Variants in USP24 observed in about 807,000 individuals in gnomAD.
The protein encoded by USP24 is ubiquitin carboxyl-terminal hydrolase 24.
USP24 carries 97 observed loss-of-function variants against 361.6 expected under a neutral mutation model. The ratio of observed to expected loss-of-function variants is 0.27; its 90% CI spans 0.23 to 0.32. USP24 has a LOEUF of 0.32. Among genes scored for constraint, USP24 ranks in the 10% least tolerant of loss-of-function variants. The probability of loss-of-function intolerance (pLI) is 1.00; values close to 1 mark genes in which losing one functional copy is unlikely to be tolerated. For synonymous variants in USP24, 1,098 were observed against 1,124.6 expected, an observed-to-expected ratio of 0.98 and a Z score of 0.47; for missense variants, 2,353 against 3,165.6, an observed-to-expected ratio of 0.74 and a Z score of 6.16.
chr1:55,074,012 A>C, intron 63 of USP24, 106 bp from the exon 64 acceptor site: 2 of 888,724 alleles, frequency 2.3e-6, no homozygotes, highest in Non-Finnish European at 3.5e-6. Flanking sequence ...TATTTTAATA[A>C]ACAGATAAGG....
intron 67 of USP24, among the ~76,000 whole-genome samples, chr1:55,070,237 G>T (rs917721889): frequency 9.9e-5 from 15 of 152,094 alleles, no homozygotes; most frequent in African/African-American, 3.6e-4. Flanking sequence ...ATGCCAAGTG[G>T]AGAACGTCAA....
rs78670615 is a variant in USP24, at chr1:55,183,862, C to T, written c.325-5730G>A. ...GAATGGCTATATTAGACAGAACAGA[C>T]GTTAAGGCAAGAAATGAAACTAAGA... On this transcript the variant is annotated intron_variant, in intron 1 of 67. Coordinates refer to ENST00000294383, the MANE Select transcript of USP24 (RefSeq NM_015306.3). Among the ~76,000 whole-genome samples, 1,166 of 151,994 alleles carry T rather than the reference C, an allele frequency of 7.7e-3. 12 individuals carry two copies. Among genetic ancestry groups the T allele is most frequent in the African/African-American group, 0.027 (1,115 of 41,442 alleles).
rs376681375 is a variant in USP24 at position 55,161,585 on chromosome 1, C to G, written c.993+614G>C. On this transcript the variant is annotated intron_variant, in intron 8 of 67. Transcript: ENST00000294383. ...AGCTCTATAGAAGTTATAGGGTCCA[C>G]AGACTTATTTATAAAAATAAATAAA... Among the ~76,000 whole-genome samples, 3 of 152,200 alleles carry G rather than the reference C, an allele frequency of 2.0e-5. No individual in the cohort carries two copies. In the South Asian group the frequency reaches 6.2e-4, roughly 32 times the overall value.
At chr1:55,098,976 G>A (rs1201028880) in intron 45 of USP24, among the ~76,000 whole-genome samples, 6 of 152,220 alleles carry the variant, frequency 3.9e-5, no homozygotes, top group Non-Finnish European at 4.4e-5. Flanking sequence ...GATCTGAGAA[G>A]GCAATACCGT....
chr1:55,101,734 GAGA>G (rs1645639192), intron 42 of USP24, 31 bp from the exon 43 acceptor site: 4 of 1,562,864 alleles, frequency 2.6e-6, no homozygotes, highest in Non-Finnish European at 3.5e-6. Context: ...AACAGCAGAG[GAGA>G]AGAATGAGCA....
intron 1 of USP24, among the ~76,000 whole-genome samples, chr1:55,179,184 G>A (rs1215260797): frequency 6.6e-6 from 1 of 152,062 alleles, no homozygotes; most frequent in African/African-American, 2.4e-5. Context: ...CGGACCTTCT[G>A]CCCACTCCCT....
At chr1:55,148,124 T>C (rs1647082031) in intron 17 of USP24, among the ~76,000 whole-genome samples, 1 of 152,174 alleles carries the variant, frequency 6.6e-6, no homozygotes. Context: ...ACTCTAGTAC[T>C]TTAAGCAAAC....
intron 58 of USP24, among the ~76,000 whole-genome samples, chr1:55,082,440 C>T (rs967286636): frequency 1.3e-5 from 2 of 152,122 alleles, no homozygotes; most frequent in African/African-American, 4.8e-5. Context: ...TTGAATCTAT[C>T]AAATAAAAGA....
In USP24 at chr1:55,077,447, T is replaced by C. The variant is rs189820963; in HGVS notation, c.7315-147A>G. 5.0e-4 allele frequency: 269 copies of C among 537,100 alleles called. 2 individuals carry two copies. The highest frequency in any genetic ancestry group is 8.7e-4 in the Middle Eastern group (3 of 3,440). 33.3% of individuals were successfully genotyped at this position (537,100 alleles called of 1,614,324 possible). A position where few individuals can be genotyped will look rare whatever the true frequency, so the allele number is the denominator to read the frequency against. ...GCTTTCTAGGCCTTAGTTTCTCAAA[T>C]GCTAAGTCTGGGAACTGAAATAAAC... On this transcript the variant is annotated intron_variant, in intron 61 of 67. Transcript: ENST00000294383.
Position 55,079,554 on chromosome 1 carries a change from T to G in USP24, c.7184A>C (p.Lys2395Thr). The G allele has an allele frequency of 6.3e-7, 1 of 1,575,764 alleles. No individual in the cohort carries two copies. Among genetic ancestry groups the G allele is most frequent in the Non-Finnish European group, 8.6e-7 (1 of 1,167,666 alleles). Reference protein sequence around the residue: ...VEALLFMSEGKPYLLEVMFAL... With the variant: ...VEALLFMSEGTPYLLEVMFAL... ...AGTACATACCTCTAACAGGTAAGGT[T>G]TCCCTTCAGACATGAACAACAAGGC... is the stretch of plus-strand genomic sequence containing the variant. Residue 2395 changes from lysine (K) to threonine (T), a missense_variant, in exon 60 of 68, where the codon AAA becomes ACA. Around this residue, in one of 8 missense-constraint regions of USP24, gnomAD observed 598 missense variants for 761.9 expected, o/e 0.78. Transcript: ENST00000294383.
chr1:55,162,068 A>G (rs1042241979), intron 8 of USP24, 131 bp downstream of exon 8: 2 of 753,742 alleles, frequency 2.7e-6, no homozygotes, highest in Non-Finnish European at 4.1e-6. Context: ...CATTTTTATT[A>G]AAAGGACAGC....
intron 18 of USP24, among the ~76,000 whole-genome samples, 198 bp from the exon 19 acceptor site, chr1:55,147,258 T>A (rs1274304738): frequency 1.3e-5 from 2 of 152,162 alleles, no homozygotes. Flanking sequence ...TCAAGTCTAT[T>A]AGAAATTCAG....
intron 1 of USP24, among the ~76,000 whole-genome samples, chr1:55,194,516 C>T (rs1644367347): frequency 6.6e-6 from 1 of 152,020 alleles, no homozygotes; most frequent in Admixed American, 6.6e-5. Flanking sequence ...GGTGGGTGAT[C>T]ACTTGAGCTC....
intron 59 of USP24, among the ~76,000 whole-genome samples, chr1:55,080,041 T>A (rs957548986): frequency 6.6e-6 from 1 of 152,150 alleles, no homozygotes; most frequent in Non-Finnish European, 1.5e-5. Context: ...ATATAAATAG[T>A]TTATGAAATA....
rs764268013 is a variant in USP24 at position 55,083,321 on chromosome 1, A to G, written c.6926T>C (p.Leu2309Pro). The change falls in exon 58 of 68, where the codon CTG becomes CCG. Residue 2309 changes from leucine to proline, a missense_variant. Transcript: ENST00000294383. ...AGDLLLRHSA[L>P]RHMISFLLGA... ...TAGGAGGAAGCTGATCATGTGCCGC[A>G]GAGCTGAATGCCTCAGAAGAAGATC... is the stretch of plus-strand genomic sequence containing the variant. The G allele has an allele frequency of 4.2e-5, 67 of 1,613,716 alleles. No homozygotes were observed. Among genetic ancestry groups the G allele is most frequent in the Non-Finnish European group, 5.5e-5 (65 of 1,179,750 alleles).
chr1:55,171,395 C>T (rs1308404032), intron 5 of USP24, among the ~76,000 whole-genome samples, 161 bp downstream of exon 5: 2 of 152,062 alleles, frequency 1.3e-5, no homozygotes, highest in Admixed American at 1.3e-4. Context: ...AAATTATGCA[C>T]TGTCTGAAAA....
rs1312355559 is a variant in USP24, at chr1:55,144,213, T to C, written c.2363-10A>G. ...TTAAATAAGTTAAAACCTGTAATTA[T>C]AGAATGCCAAATAAATTCATGTACT... On this transcript the variant is annotated splice_polypyrimidine_tract_variant and intron_variant, in intron 20 of 67. Coordinates refer to ENST00000294383, the MANE Select transcript of USP24 (RefSeq NM_015306.3). 7 of 1,547,852 alleles carry C rather than the reference T, an allele frequency of 4.5e-6. No individual in the cohort carries two copies. The African/African-American group carries it at 5.5e-5, about 12-fold the overall frequency.
intron 28 of USP24, among the ~76,000 whole-genome samples, chr1:55,137,032 A>T (rs752108436): frequency 2.6e-5 from 4 of 152,174 alleles, no homozygotes; most frequent in Non-Finnish European, 5.9e-5. Context: ...GGAGATGAAG[A>T]GAAATTGGCA....
In USP24 at chr1:55,165,903, T is replaced by C. The variant is rs759298872; in HGVS notation, c.909A>G (p.Ser303=). 7 of 1,606,888 alleles carry C rather than the reference T, an allele frequency of 4.4e-6. No homozygotes were observed. The highest frequency in any genetic ancestry group is 6.0e-6 in the Non-Finnish European group (7 of 1,175,914). The change falls in exon 7 of 68, where the codon TCA becomes TCG. Residue 303 remains serine, a synonymous_variant. Coordinates refer to ENST00000294383, the MANE Select transcript of USP24 (RefSeq NM_015306.3). The part of the protein sequence containing the change: ...GFAAIQAKLH[S]EDIELGAVSA... ...AACTTACCCCAAGTTCTATATCTTC[T>C]GAATGGAGCTTGGCTTGGATTGCTG...
Sources: gnomAD v4.1 joint callset for allele counts (sites outside exome capture counted in the v4.1 genomes callset) on GRCh38, gnomAD v4.1.1 for gene constraint, gnomAD v4.1.1 regional missense constraint, MANE v1.5 for transcripts, NCBI Gene and HGNC (gene_info 2026-07-23, HGNC 2026-07-21) for gene names.